Variants in CEP83 observed in about 807,000 individuals in gnomAD.
CEP83 encodes centrosomal protein of 83 kDa.
CEP83 carries 70 observed loss-of-function variants against 101.9 expected under a neutral mutation model. The ratio of observed to expected loss-of-function variants is 0.69; its 90% CI spans 0.57 to 0.84. The LOEUF is 0.84. Ranked by LOEUF, CEP83 falls within the 40% of genes least tolerant of loss-of-function variation. The pLI is 0.00. For synonymous variants in CEP83, 264 were observed against 267.9 expected (o/e 0.99, Z 0.14); for missense variants, 715 against 787.2 (o/e 0.91, Z 1.10).
chr12:94,310,302 T>C (rs1007105800), intron 15 of CEP83, among the ~76,000 whole-genome samples, 195 bp from the exon 16 acceptor site: 6 of 152,148 alleles, frequency 3.9e-5, no homozygotes, highest in African/African-American at 1.2e-4. Flanking sequence ...ATCATTAGCA[T>C]TGCAGACTAT....
At chr12:94,400,827 A>C (rs773872521) in intron 6 of CEP83, 23 bp downstream of exon 6, 1 of 1,354,188 alleles carries the variant, frequency 7.4e-7, no homozygotes, top group Non-Finnish European at 9.6e-7. Flanking sequence ...ATAACAAAGA[A>C]ACTCGTATAA....
intron 1 of CEP83, among the ~76,000 whole-genome samples, chr12:94,455,029 C>T (rs1177718535): frequency 6.6e-6 from 1 of 151,904 alleles, no homozygotes; most frequent in African/African-American, 2.4e-5. Flanking sequence ...GAACAAACTC[C>T]GGACACACCA....
the CEP83 span, among the ~76,000 whole-genome samples, chr12:94,295,374 T>C: frequency 6.6e-6 from 1 of 152,256 alleles, no homozygotes; most frequent in African/African-American, 2.4e-5. Context: ...GAAGCCATCT[T>C]GCAGAGATCA....
At chr12:94,419,672 C>G (rs996059451) in intron 2 of CEP83, among the ~76,000 whole-genome samples, 1 of 152,006 alleles carries the variant, frequency 6.6e-6, no homozygotes, top group African/African-American at 2.4e-5. Flanking sequence ...ACCAATAAAA[C>G]AGGACACAGC....
intron 14 of CEP83, among the ~76,000 whole-genome samples, chr12:94,325,631 T>TGCTTAACA (rs1240622563): frequency 1.3e-5 from 2 of 152,210 alleles, no homozygotes; most frequent in Non-Finnish European, 1.5e-5. Context: ...ACATAATAGA[T>TGCTTAACA]GCTTAACAGA....
chr12:94,415,495 C>A (rs888120960), intron 2 of CEP83, among the ~76,000 whole-genome samples: 3 of 152,020 alleles, frequency 2.0e-5, no homozygotes, highest in African/African-American at 7.2e-5. Context: ...TGATACAACA[C>A]TAAAATTTGA....
the CEP83 span, among the ~76,000 whole-genome samples, chr12:94,273,685 G>C: frequency 2.6e-5 from 4 of 152,154 alleles, no homozygotes; most frequent in African/African-American, 4.8e-5. Flanking sequence ...AGCAGGATGA[G>C]TACAGGTTCT....
At chr12:94,303,693 C>CTTTTTT, downstream of CEP83, 1 of 699,128 alleles carries the variant, frequency 1.4e-6, no homozygotes, top group Non-Finnish European at 1.9e-6. Flanking sequence ...ATTCCTCCAT[C>CTTTTTT]TTTTTTTTTT....
At chr12:94,400,584 C>G (rs1423450382) in intron 6 of CEP83, among the ~76,000 whole-genome samples, 3 of 152,060 alleles carry the variant, frequency 2.0e-5, no homozygotes, top group African/African-American at 7.2e-5. Flanking sequence ...AGACAAAAGA[C>G]TTTGTACAAT....
intron 6 of CEP83, among the ~76,000 whole-genome samples, chr12:94,384,175 T>C (rs1264158388): frequency 6.6e-6 from 1 of 152,214 alleles, no homozygotes; most frequent in Non-Finnish European, 1.5e-5. Flanking sequence ...TGAGAATGTC[T>C]TGATTTCCCC....
intron 9 of CEP83, 105 bp downstream of exon 9, chr12:94,369,817 A>G (rs1432568988): frequency 6.1e-6 from 4 of 654,566 alleles, no homozygotes; most frequent in African/African-American, 5.5e-5. Flanking sequence ...AACTAAATTA[A>G]GTTGAAAATT....
At chr12:94,374,114 C>T (rs1566017643) in intron 8 of CEP83, among the ~76,000 whole-genome samples, 2 of 151,818 alleles carry the variant, frequency 1.3e-5, no homozygotes, top group African/African-American at 4.8e-5. Flanking sequence ...CTTTCTTCAG[C>T]GGAGTAGGAG....
intron 12 of CEP83, 47 bp from the exon 13 acceptor site, chr12:94,333,686 C>A (rs762196850): frequency 1.9e-6 from 3 of 1,577,690 alleles, no homozygotes; most frequent in African/African-American, 1.4e-5. Context: ...TAAATAAATG[C>A]GGTAAGGTAT....
intron 14 of CEP83, among the ~76,000 whole-genome samples, chr12:94,315,929 G>A (rs573064650): frequency 1.3e-5 from 2 of 152,004 alleles, no homozygotes; most frequent in Non-Finnish European, 2.9e-5. Context: ...GTTGATACCT[G>A]GTAGTTTTAA....
At chr12:94,301,071 T>G in the CEP83 span, 8 of 1,612,148 alleles carry the variant, frequency 5.0e-6, no homozygotes, top group African/African-American at 4.0e-5. Context: ...AGGCCCAGCT[T>G]GAGTATTTCT....
intron 2 of CEP83, among the ~76,000 whole-genome samples, chr12:94,426,234 C>T (rs949305140): frequency 6.6e-6 from 1 of 152,102 alleles, no homozygotes; most frequent in African/African-American, 2.4e-5. Context: ...TTTGTAAATG[C>T]TAATTTCCTT....
chr12:94,361,765 G>A (rs891887187), intron 11 of CEP83, among the ~76,000 whole-genome samples: 2 of 151,786 alleles, frequency 1.3e-5, no homozygotes, highest in African/African-American at 2.4e-5. Context: ...GCAATGGCAT[G>A]GTCTCGGCTC....
the CEP83 span, among the ~76,000 whole-genome samples, chr12:94,294,301 GAC>G: frequency 1.3e-5 from 2 of 152,132 alleles, no homozygotes; most frequent in African/African-American, 4.8e-5. Context: ...TGAGGACAGA[GAC>G]ACTGCCTTGC....
At chr12:94,284,873 A>T in the CEP83 span, among the ~76,000 whole-genome samples, 6 of 152,160 alleles carry the variant, frequency 3.9e-5, no homozygotes, top group African/African-American at 1.4e-4. Flanking sequence ...TGAAGCAGGG[A>T]GGTTAGTATT....
Sources: allele counts gnomAD v4.1 joint callset (sites outside exome capture counted in the v4.1 genomes callset), GRCh38; gene constraint gnomAD v4.1.1; transcripts MANE v1.5; gene names NCBI Gene and HGNC (gene_info 2026-07-23, HGNC 2026-07-21).